Variants in SLAIN1 observed in about 807,000 individuals in gnomAD.
SLAIN1 encodes the protein SLAIN family member 1.
SLAIN1 carries 17 observed loss-of-function variants against 55.4 expected under a neutral mutation model. The observed-to-expected ratio is 0.31, with a 90% CI of 0.21 to 0.46. The LOEUF is 0.46. Ranked by LOEUF, SLAIN1 falls within the 20% of genes least tolerant of loss-of-function variation. The pLI is 1.00. For missense variants in SLAIN1, 682 were observed against 785.1 expected, an observed-to-expected ratio of 0.87 and a Z score of 1.57; for synonymous variants, 348 against 337.4, an observed-to-expected ratio of 1.03 and a Z score of -0.35.
At chr13:77,741,079 T>A (rs1873404099) in intron 2 of SLAIN1, 1 of 852,702 alleles carries the variant, frequency 1.2e-6, no homozygotes, top group Non-Finnish European at 1.4e-6. Context: ...TGGGTCACAG[T>A]GGTTATTGTG....
intron 4 of SLAIN1, among the ~76,000 whole-genome samples, chr13:77,751,384 G>A (rs1349439988): frequency 2.0e-5 from 3 of 152,096 alleles, no homozygotes; most frequent in Non-Finnish European, 4.4e-5. Context: ...GATCAACAAT[G>A]GGTGGGGAAG....
intron 1 of SLAIN1, among the ~76,000 whole-genome samples, chr13:77,716,098 T>C (rs1470058110): frequency 1.3e-5 from 2 of 152,054 alleles, no homozygotes; most frequent in East Asian, 1.9e-4. Context: ...TTTTGGATAG[T>C]GTTTGTACTG....
At chr13:77,699,233 AC>A (rs2091006723) in intron 1 of SLAIN1, 1 of 410,630 alleles carries the variant, frequency 2.4e-6, no homozygotes, top group Non-Finnish European at 4.2e-6. Flanking sequence ...GGTGGGAGGG[AC>A]TTTTTTATTT....
intron 2 of SLAIN1, among the ~76,000 whole-genome samples, chr13:77,738,117 C>T (rs368046173): frequency 8.2e-4 from 124 of 151,704 alleles, no homozygotes; most frequent in Non-Finnish European, 1.2e-3. Context: ...GTATCTGTTG[C>T]CAAATGTTGA....
chr13:77,719,795 C>A, intron 2 of SLAIN1, 124 bp downstream of exon 2: 1 of 1,010,508 alleles, frequency 9.9e-7, no homozygotes, highest in South Asian at 1.7e-5. Flanking sequence ...CTGTTGCATG[C>A]AATTTGCTTC....
chr13:77,722,698 G>T (rs1166148916), intron 2 of SLAIN1, among the ~76,000 whole-genome samples: 1 of 152,056 alleles, frequency 6.6e-6, no homozygotes, highest in Non-Finnish European at 1.5e-5. Flanking sequence ...TATATATTAT[G>T]ATAGAAAGTT....
chr13:77,737,854 CTG>C (rs1285855495), intron 2 of SLAIN1, among the ~76,000 whole-genome samples: 2 of 152,034 alleles, frequency 1.3e-5, no homozygotes, highest in African/African-American at 4.8e-5. Context: ...TCTTTAGAAA[CTG>C]GAGTGGGAAG....
intron 4 of SLAIN1, among the ~76,000 whole-genome samples, chr13:77,749,675 A>T (rs1383735331): frequency 6.6e-6 from 1 of 152,220 alleles, no homozygotes; most frequent in Non-Finnish European, 1.5e-5. Flanking sequence ...AGATAGAACT[A>T]GAACATTACT....
At chr13:77,752,696 AT>A (rs532442896) in intron 4 of SLAIN1, among the ~76,000 whole-genome samples, 2 of 152,146 alleles carry the variant, frequency 1.3e-5, no homozygotes, top group Non-Finnish European at 2.9e-5. Context: ...GGCCTGAGAG[AT>A]CCTGGCAAAC....
chr13:77,744,680 G>A (rs958478369), intron 3 of SLAIN1, among the ~76,000 whole-genome samples: 2 of 152,212 alleles, frequency 1.3e-5, no homozygotes. Flanking sequence ...CAGATGGACA[G>A]TTTCCTAAAA....
At chr13:77,731,113 T>G (rs946310481) in intron 2 of SLAIN1, among the ~76,000 whole-genome samples, 1 of 152,024 alleles carries the variant, frequency 6.6e-6, no homozygotes, top group African/African-American at 2.4e-5. Flanking sequence ...CAGTAAATAA[T>G]AGAAGAAAAT....
chr13:77,740,523 G>A (rs553152885), intron 2 of SLAIN1, among the ~76,000 whole-genome samples: 195 of 101,830 alleles, frequency 1.9e-3, no homozygotes, highest in Middle Eastern at 0.013. Context: ...CCAAGTTTGC[G>A]AACCGCCCCC....
intron 2 of SLAIN1, among the ~76,000 whole-genome samples, chr13:77,730,030 C>T (rs1209380568): frequency 6.6e-6 from 1 of 151,954 alleles, no homozygotes; most frequent in African/African-American, 2.4e-5. Context: ...GTCTTTCAGT[C>T]TCAGAGACAT....
chr13:77,699,221 C>G, intron 1 of SLAIN1: 1 of 515,714 alleles, frequency 1.9e-6, no homozygotes. Context: ...GTGGAATGAA[C>G]AGGTGGGAGG....
At chr13:77,714,632 C>T (rs940950028) in intron 1 of SLAIN1, among the ~76,000 whole-genome samples, 2 of 152,046 alleles carry the variant, frequency 1.3e-5, no homozygotes, top group Non-Finnish European at 2.9e-5. Context: ...CAAACAAAAC[C>T]ACAAAGCAGT....
chr13:77,744,244 C>A (rs1873660916), intron 2 of SLAIN1, 39 bp from the exon 3 acceptor site: 2 of 1,394,974 alleles, frequency 1.4e-6, no homozygotes, highest in Non-Finnish European at 2.0e-6. Context: ...AGATATCAGT[C>A]CTGCAGATGG....
Position 77,697,944 on chromosome 13 carries a change from G to A in SLAIN1, c.31G>A (p.Ala11Thr). 7.0e-7 allele frequency: 1 copy of A among 1,432,282 alleles called. No homozygotes were observed. 88.7% of individuals were successfully genotyped at this position (1,432,282 alleles called of 1,614,324 possible). MMAEQVKCAS[A>T]GVSSGAGSGP... The stretch of plus-strand genomic sequence containing the variant: ...GGCGGAGCAGGTGAAATGCGCCTCG[G>A]CAGGGGTCAGCTCTGGAGCGGGCTC... The change falls in exon 1 of 7, where the codon GCA becomes ACA. Residue 11 changes from alanine (A) to threonine (T), a missense_variant. Physicochemically the swap from Ala to Thr is moderately conservative, Grantham distance 58. Coordinates refer to ENST00000418532, the MANE Select transcript of SLAIN1 (RefSeq NM_001242868.2).
Position 77,707,635 on chromosome 13 carries a change from A to G in SLAIN1, c.626+9096A>G, listed in dbSNP as rs1168644577. Among the ~76,000 whole-genome samples, 3 of 152,164 alleles carry G rather than the reference A, an allele frequency of 2.0e-5. No individual in the cohort carries two copies. The East Asian group carries it at 5.8e-4, about 29-fold the overall frequency. ...GTGATTGGATGGGTAGCCAGGCCAC[A>G]TTCAAGCATCTCTAGGTCTTCTCTT... On this transcript the variant is annotated intron_variant, in intron 1 of 6. Coordinates refer to ENST00000418532, the MANE Select transcript of SLAIN1 (RefSeq NM_001242868.2).
In SLAIN1 at chr13:77,698,936, G is replaced by A. The variant is rs1402420152; in HGVS notation, c.626+397G>A. 1.3e-6 allele frequency: 2 copies of A among 1,533,996 alleles called. No individual in the cohort carries two copies. The highest frequency in any genetic ancestry group is 1.2e-5 in the South Asian group (1 of 83,970). ...GGGATGACGGGGGATGGTAGGGGTT[G>A]GCCTCTGTCTGCGACTGTTACTGTT... On this transcript the variant is annotated intron_variant, in intron 1 of 6. Coordinates refer to ENST00000418532, the MANE Select transcript of SLAIN1 (RefSeq NM_001242868.2). This position sits in a 1 kb window ranked among gnomAD's most constrained non-coding sequence, Gnocchi z 4.1.
Sources: allele counts gnomAD v4.1 joint callset (sites outside exome capture counted in the v4.1 genomes callset), GRCh38; gene constraint gnomAD v4.1.1; non-coding constraint Gnocchi (gnomAD v3.1); transcripts MANE v1.5; gene names NCBI Gene and HGNC (gene_info 2026-07-23, HGNC 2026-07-21).